The following HOMER3 variants were observed in gnomAD, a reference collection of about 807,000 sequenced individuals.
HOMER3 encodes homer protein homolog 3.
Under a neutral mutation model 45.5 loss-of-function variants are expected in HOMER3, and 34 were observed. The observed-to-expected ratio is 0.75, with a 90% CI of 0.57 to 1.00. HOMER3 has a LOEUF of 1.00. HOMER3 is among the 50% of genes least tolerant of loss of function. The probability of loss-of-function intolerance (pLI) is 0.00; values close to 1 mark genes in which losing one functional copy is unlikely to be tolerated. For missense variants in HOMER3, 480 were observed against 497.5 expected (o/e 0.96, Z 0.33); for synonymous variants, 223 against 208.8 (o/e 1.07, Z -0.58).
Position 18,938,800 on chromosome 19 carries a change from G to T in HOMER3, c.99C>A (p.His33Gln), listed in dbSNP as rs371683344. 1 of 1,600,336 alleles carries T rather than the reference G, an allele frequency of 6.2e-7. No homozygotes were observed. The highest frequency in any genetic ancestry group is 8.5e-7 in the Non-Finnish European group (1 of 1,173,668). ...TKRNWIPAGK[H>Q]ALTVSYFYDA... ...CGTAGAAATAGGAGACAGTGAGTGC[G>T]TGCTTGCCCGCTGGGATCCAGTTTC... is the stretch of plus-strand genomic sequence containing the variant. The change falls in exon 3 of 10, where the codon CAC becomes CAA. Residue 33 changes from histidine (H) to glutamine (Q), a missense_variant. His to Gln is a conservative substitution (Grantham distance 24). Coordinates refer to ENST00000392351, the MANE Select transcript of HOMER3 (RefSeq NM_004838.4).
In HOMER3 at chr19:18,938,361, G is replaced by C. The variant is rs2057116800; in HGVS notation, c.295C>G (p.Leu99Val). ...CCCCTCACCCGGCCCACCTGTGTCAGATGCTGTTCAGAGGCAAAGCCCAGG... is the reference window on the plus strand; with the variant it reads ...CCCCTCACCCGGCCCACCTGTGTCACATGCTGTTCAGAGGCAAAGCCCAGG... ...YGLGFASEQHLTQFAEKFQEV... is the reference protein window; with the variant it reads ...YGLGFASEQHVTQFAEKFQEV... Residue 99 changes from leucine (L) to valine (V), a missense_variant, in exon 4 of 10, where the codon CTG (leucine) becomes GTG (valine). Transcript: ENST00000392351. 1 of 1,607,694 alleles carries C rather than the reference G, an allele frequency of 6.2e-7. No homozygotes were observed. The highest frequency in any genetic ancestry group is 8.5e-7 in the Non-Finnish European group (1 of 1,174,658).
chr19:18,930,730 C>G (rs1028480230), intron 9 of HOMER3, among the ~76,000 whole-genome samples: 5 of 151,818 alleles, frequency 3.3e-5, no homozygotes, highest in Non-Finnish European at 7.4e-5. Flanking sequence ...CAAAAAATGC[C>G]CGGGCACGGT....
In HOMER3 at chr19:18,929,473, G is replaced by A. The variant is rs1450655455; in HGVS notation, c.1056C>T (p.Gly352=). ...SLFELSELRE[G]LARLAEAAP ...GCGCAGCCTCAGCCAGGCGGGCCAG[G>A]CCCTCACGCAGCTCACTCAGCTCAA... Residue 352 remains glycine (G), a synonymous_variant, in exon 10 of 10, where the codon GGC becomes GGT. Coordinates refer to ENST00000392351, the MANE Select transcript of HOMER3 (RefSeq NM_004838.4). 1.3e-6 allele frequency: 2 copies of A among 1,599,552 alleles called. No individual in the cohort carries two copies. The highest frequency in any genetic ancestry group is 1.1e-5 in the South Asian group (1 of 89,906).
At chr19:18,934,504 G>A (rs765533872) in intron 4 of HOMER3, 94 bp from the exon 5 acceptor site, 26 of 630,590 alleles carry the variant, frequency 4.1e-5, no homozygotes, top group African/African-American at 2.3e-4. Context: ...CTTTCGAACC[G>A]TACCCATCCC....
rs566518642 is a variant in HOMER3 at position 18,929,386 on chromosome 19, G to A, written c.*57C>T. The A allele has an allele frequency of 6.4e-6, 10 of 1,552,528 alleles. No homozygotes were observed. The highest frequency in any genetic ancestry group is 2.3e-5 in the East Asian group (1 of 44,048). On this transcript the variant is annotated 3_prime_UTR_variant, in exon 10 of 10. Coordinates refer to ENST00000392351, the MANE Select transcript of HOMER3 (RefSeq NM_004838.4). ...CAGGACGAATGGGCCCAACTATGCCGCCTGCAGCCTGGCCCGCATCCCAGG... is the reference window on the plus strand; with the variant it reads ...CAGGACGAATGGGCCCAACTATGCCACCTGCAGCCTGGCCCGCATCCCAGG...
chr19:18,939,232 G>A (rs562825963), intron 1 of HOMER3, 183 bp from the exon 2 acceptor site: 3 of 493,628 alleles, frequency 6.1e-6, no homozygotes, highest in South Asian at 3.7e-5. Context: ...TTGAGCCCAG[G>A]AGTTCGAGAC....
chr19:18,931,497 C>T lies in HOMER3; in HGVS notation c.807+12G>A, dbSNP rs772090218. On this transcript the variant is annotated intron_variant, in intron 8 of 9. Transcript: ENST00000392351. ...GGGAAGGCGAGGCCCAGGAACCACACTTGGCACTCACCTGGTCCTTGGTTT... is the reference window on the plus strand; with the variant it reads ...GGGAAGGCGAGGCCCAGGAACCACATTTGGCACTCACCTGGTCCTTGGTTT... 1 of 1,613,216 alleles carries T rather than the reference C, an allele frequency of 6.2e-7. No individual in the cohort carries two copies. The highest frequency in any genetic ancestry group is 8.5e-7 in the Non-Finnish European group (1 of 1,179,456).
In HOMER3 at chr19:18,929,394, C is replaced by T; in HGVS notation, c.*49G>A. 6.4e-7 allele frequency: 1 copy of T among 1,568,506 alleles called. No homozygotes were observed. Among genetic ancestry groups the T allele is most frequent in the Non-Finnish European group, 8.7e-7 (1 of 1,154,826 alleles). ...ATGGGCCCAACTATGCCGCCTGCAG[C>T]CTGGCCCGCATCCCAGGCCGGAATC... On this transcript the variant is annotated 3_prime_UTR_variant, in exon 10 of 10. Transcript: ENST00000392351.
At chr19:18,932,898 C>T in intron 6 of HOMER3, 26 bp downstream of exon 6, 1 of 1,037,054 alleles carries the variant, frequency 9.6e-7, no homozygotes, top group East Asian at 3.4e-5. Context: ...CCCGCCCCTG[C>T]CACGCCCCCA....
chr19:18,931,989 C>T lies in HOMER3; in HGVS notation c.677G>A (p.Arg226Gln), dbSNP rs74906645. Residue 226 changes from arginine (R) to glutamine (Q), a missense_variant, in exon 7 of 10, where the codon CGG (arginine) becomes CAG (glutamine). Transcript: ENST00000392351. ...GGGTGCCCTCACCCGCTGCCGCAGC[C>T]GCTCGGCCTCTGCACGCTGAGCCTC... ...QLEAQRAEAE[R>Q]LRQRVAELEA... 2,476 of 1,537,686 alleles carry T rather than the reference C, an allele frequency of 1.6e-3. 4 individuals carry two copies. The highest frequency in any genetic ancestry group is 2.0e-3 in the Non-Finnish European group (2,279 of 1,141,446).
intron 4 of HOMER3, 100 bp from the exon 5 acceptor site, chr19:18,934,510 A>G (rs1248395973): frequency 1.7e-6 from 1 of 587,814 alleles, no homozygotes; most frequent in Non-Finnish European, 2.9e-6. Flanking sequence ...AACCGTACCC[A>G]TCCCCTTATC....
chr19:18,931,739 CCCTTGGTTGGTGCCACCA>C, intron 7 of HOMER3, 114 bp from the exon 8 acceptor site: 2 of 1,497,392 alleles, frequency 1.3e-6, no homozygotes, highest in Non-Finnish European at 1.8e-6. Flanking sequence ...GCACCCATCT[CCCTTGGTTGGTGCCACCA>C]CCCCCCTCTG....
chr19:18,934,175 G>T, intron 5 of HOMER3, 128 bp downstream of exon 5: 1 of 526,508 alleles, frequency 1.9e-6, no homozygotes, highest in South Asian at 2.9e-5. Context: ...TAGGTCATCT[G>T]GAAGCATTGG....
rs58621827 is a variant in HOMER3 at position 18,938,488 on chromosome 19, G to A, written c.172-4C>T. 1.2e-4 allele frequency: 189 copies of A among 1,611,576 alleles called. No homozygotes were observed. The highest frequency in any genetic ancestry group is 1.2e-3 in the Middle Eastern group (7 of 6,056). ...TGACAGTGCTGTTGATGATGGCCTA[G>A]GGTCGGGGAACAAAGTTCAAGGTAG... On this transcript the variant is annotated splice_polypyrimidine_tract_variant and splice_region_variant and intron_variant, in intron 3 of 9. Transcript: ENST00000392351.
At chr19:18,934,249 G>T (rs780834141) in intron 5 of HOMER3, 54 bp downstream of exon 5, 3 of 1,065,808 alleles carry the variant, frequency 2.8e-6, no homozygotes, top group Non-Finnish European at 2.6e-6. Context: ...TCAGTTGAGC[G>T]CCTGGCTGAC....
intron 5 of HOMER3, 132 bp from the exon 6 acceptor site, chr19:18,933,177 A>T: frequency 1.7e-6 from 2 of 1,183,670 alleles, no homozygotes; most frequent in Non-Finnish European, 2.2e-6. Flanking sequence ...ACAGGATCCA[A>T]GTGTGTCCCT....
intron 4 of HOMER3, among the ~76,000 whole-genome samples, chr19:18,936,027 T>C (rs1028299213): frequency 1.3e-5 from 2 of 148,428 alleles, no homozygotes; most frequent in African/African-American, 4.9e-5. Context: ...TCAAAATAAA[T>C]AGATAAGGCC....
intron 4 of HOMER3, among the ~76,000 whole-genome samples, chr19:18,937,814 A>T (rs1157277318): frequency 6.6e-6 from 1 of 152,080 alleles, no homozygotes; most frequent in African/African-American, 2.4e-5. Context: ...GGCATGTGGG[A>T]AAGTGCCCAG....
chr19:18,932,151 C>G lies in HOMER3; in HGVS notation c.534-19G>C, dbSNP rs997070273. ...CACGGAGCTGCAGAGACACGAGGGT[C>G]GGCAGTGGGTGACACGGGGCTGGGG... On this transcript the variant is annotated intron_variant, in intron 6 of 9. Coordinates refer to ENST00000392351, the MANE Select transcript of HOMER3 (RefSeq NM_004838.4). 1 of 1,243,412 alleles carries G rather than the reference C, an allele frequency of 8.0e-7. No homozygotes were observed. Among genetic ancestry groups the G allele is most frequent in the Non-Finnish European group, 1.0e-6 (1 of 957,342 alleles). The allele number at this position is 1,243,412 out of a possible 1,614,324, so 77.0% of individuals were successfully genotyped here. A position where few individuals can be genotyped will look rare whatever the true frequency, so the allele number is the denominator to read the frequency against.
Sources: gnomAD v4.1 joint callset for allele counts (sites outside exome capture counted in the v4.1 genomes callset) on GRCh38, gnomAD v4.1.1 for gene constraint, MANE v1.5 for transcripts, NCBI Gene and HGNC (gene_info 2026-07-23, HGNC 2026-07-21) for gene names.